The following PLCXD3 variants were observed in gnomAD, a reference collection of about 807,000 sequenced individuals.
PLCXD3 encodes PI-PLC X domain-containing protein 3.
In PLCXD3, 19 loss-of-function variants were observed where a neutral mutation model predicts 25.5. The observed-to-expected ratio is 0.75, with a 90% CI of 0.52 to 1.09. PLCXD3 has a LOEUF of 1.09. PLCXD3 is among the 50% of genes least tolerant of loss of function. PLCXD3 has a pLI of 0.00. For synonymous variants in PLCXD3, 174 were observed against 137.6 expected, an observed-to-expected ratio of 1.26 and a Z score of -1.85; for missense variants, 411 against 388.1, an observed-to-expected ratio of 1.06 and a Z score of -0.50.
At chr5:41,405,745 A>T (rs1420775836) in intron 1 of PLCXD3, among the ~76,000 whole-genome samples, 1 of 152,142 alleles carries the variant, frequency 6.6e-6, no homozygotes, top group African/African-American at 2.4e-5. Context: ...CCAATTAGGC[A>T]ATCATTGGTC....
chr5:41,510,539 C>A lies in PLCXD3; in HGVS notation c.-13G>T. ...GAGACGAGGCCATCGTGCCAGTCGG[C>A]GTGCAGCGCGCTGGTCCCAGCACTC... On this transcript the variant is annotated 5_prime_UTR_variant, in exon 1 of 3. Coordinates refer to ENST00000377801, the MANE Select transcript of PLCXD3 (RefSeq NM_001005473.3). 2 of 1,609,208 alleles carry A rather than the reference C, an allele frequency of 1.2e-6. No homozygotes were observed. The highest frequency in any genetic ancestry group is 1.1e-5 in the South Asian group (1 of 90,668).
chr5:41,472,855 T>C (rs1748195396), intron 1 of PLCXD3, among the ~76,000 whole-genome samples: 1 of 152,166 alleles, frequency 6.6e-6, no homozygotes, highest in African/African-American at 2.4e-5. Flanking sequence ...AAGTTATAGC[T>C]CCAATGTAAA....
At chr5:41,382,858 T>A (rs1000604034) in intron 1 of PLCXD3, among the ~76,000 whole-genome samples, 1 of 152,118 alleles carries the variant, frequency 6.6e-6, no homozygotes, top group African/African-American at 2.4e-5. Flanking sequence ...GTGACTTAAG[T>A]GATCATTCAT....
At chr5:41,493,318 G>C (rs1233183687) in intron 1 of PLCXD3, among the ~76,000 whole-genome samples, 1 of 152,184 alleles carries the variant, frequency 6.6e-6, no homozygotes, top group Non-Finnish European at 1.5e-5. Context: ...GTACCTGGCC[G>C]TGTGAGGTGT....
At chr5:41,434,133 CTG>C (rs1747179969) in intron 1 of PLCXD3, among the ~76,000 whole-genome samples, 1 of 152,182 alleles carries the variant, frequency 6.6e-6, no homozygotes, top group South Asian at 2.1e-4. Context: ...TTGCCAATAA[CTG>C]TGGATCCTTG....
At chr5:41,320,199 C>A (rs1743423613) in intron 2 of PLCXD3, among the ~76,000 whole-genome samples, 2 of 152,020 alleles carry the variant, frequency 1.3e-5, no homozygotes, top group Admixed American at 1.3e-4. Context: ...AAACTAATAG[C>A]AATCCTACTC....
At chr5:41,348,476 A>C (rs1313272550) in intron 2 of PLCXD3, among the ~76,000 whole-genome samples, 1 of 152,176 alleles carries the variant, frequency 6.6e-6, no homozygotes, top group Non-Finnish European at 1.5e-5. Flanking sequence ...TCCAATGTCA[A>C]TAGGTAGCAC....
chr5:41,433,519 T>C (rs900464910), intron 1 of PLCXD3, among the ~76,000 whole-genome samples: 1 of 152,102 alleles, frequency 6.6e-6, no homozygotes, highest in Non-Finnish European at 1.5e-5. Context: ...CTTTCCACCA[T>C]CCCAAGATGG....
intron 1 of PLCXD3, among the ~76,000 whole-genome samples, chr5:41,426,204 T>G (rs1052215627): frequency 6.6e-6 from 1 of 152,166 alleles, no homozygotes; most frequent in African/African-American, 2.4e-5. Flanking sequence ...TGACTTATGA[T>G]GTGGAGCATC....
rs146762735 is a variant in PLCXD3, at chr5:41,396,270, G to T, written c.104-13736C>A. ...CCCCTTGCTGTTCTCATGGTAGTGT[G>T]CAAGTTCTCAACGGATCTGGTTGTT... On this transcript the variant is annotated intron_variant, in intron 1 of 2. Coordinates refer to ENST00000377801, the MANE Select transcript of PLCXD3 (RefSeq NM_001005473.3). Among the ~76,000 whole-genome samples the T allele has an allele frequency of 3.1e-3, 467 of 152,202 alleles. 1 individual carries two copies. The highest frequency in any genetic ancestry group is 9.7e-3 in the African/African-American group (405 of 41,548).
intron 1 of PLCXD3, among the ~76,000 whole-genome samples, chr5:41,388,738 T>G (rs1745716974): frequency 6.6e-6 from 1 of 152,016 alleles, no homozygotes; most frequent in Admixed American, 6.6e-5. Context: ...TATTACTGTA[T>G]TATAATTTTA....
chr5:41,346,581 A>C (rs567418570), intron 2 of PLCXD3, among the ~76,000 whole-genome samples: 109 of 152,124 alleles, frequency 7.2e-4, no homozygotes, highest in Non-Finnish European at 1.3e-3. Context: ...AATATATATT[A>C]ATATATTTAT....
chr5:41,472,902 T>G (rs891397421), intron 1 of PLCXD3, among the ~76,000 whole-genome samples: 1 of 152,182 alleles, frequency 6.6e-6, no homozygotes, highest in African/African-American at 2.4e-5. Context: ...GGAACAATTT[T>G]TTTTTGCTTT....
At chr5:41,455,252 G>A (rs1747727088) in intron 1 of PLCXD3, among the ~76,000 whole-genome samples, 1 of 151,908 alleles carries the variant, frequency 6.6e-6, no homozygotes, top group African/African-American at 2.4e-5. Context: ...CTGTTGTTTT[G>A]AGGCATGTAG....
intron 1 of PLCXD3, among the ~76,000 whole-genome samples, chr5:41,496,052 G>A (rs535826482): frequency 8.5e-5 from 13 of 152,106 alleles, no homozygotes; most frequent in South Asian, 8.3e-4. Flanking sequence ...AAATTTTGGA[G>A]CTGAAGAATG....
rs201713634 is a variant in PLCXD3, at chr5:41,333,140, C to T, written c.813-19370G>A. 6.6e-5 allele frequency among the ~76,000 whole-genome samples: 10 copies of T among 151,774 alleles called. No individual in the cohort carries two copies. In the East Asian group the frequency reaches 1.7e-3, roughly 27 times the overall value. On this transcript the variant is annotated intron_variant, in intron 2 of 2. Coordinates refer to ENST00000377801, the MANE Select transcript of PLCXD3 (RefSeq NM_001005473.3). The stretch of plus-strand genomic sequence containing the variant: ...TAAAAGACAAAAACAAACAAACAAA[C>T]AAACAAACAAAAACGTCAATGGCTT...
At chr5:41,314,951 G>T in intron 2 of PLCXD3, among the ~76,000 whole-genome samples, 1 of 152,284 alleles carries the variant, frequency 6.6e-6, no homozygotes, top group South Asian at 2.1e-4. Context: ...CCTTTCAGAA[G>T]AATGCTTGCT....
chr5:41,487,660 C>A (rs1273180908), intron 1 of PLCXD3, among the ~76,000 whole-genome samples: 2 of 152,068 alleles, frequency 1.3e-5, no homozygotes, highest in African/African-American at 4.8e-5. Flanking sequence ...AATTAGCTAG[C>A]ATGGTCAGGG....
At chr5:41,356,746 AC>A (rs1254435452) in intron 2 of PLCXD3, among the ~76,000 whole-genome samples, 1 of 151,992 alleles carries the variant, frequency 6.6e-6, no homozygotes, top group Admixed American at 6.6e-5. Flanking sequence ...TGGTGAAGTG[AC>A]CCCCCAAAGA....
Sources: allele counts gnomAD v4.1 joint callset (sites outside exome capture counted in the v4.1 genomes callset), GRCh38; gene constraint gnomAD v4.1.1; transcripts MANE v1.5; gene names NCBI Gene and HGNC (gene_info 2026-07-23, HGNC 2026-07-21).